Variants in CHAT observed in about 807,000 individuals in gnomAD.
CHAT encodes choline O-acetyltransferase, also known as acetyl CoA:choline O-acetyltransferase.
CHAT carries 61 observed loss-of-function variants against 76.9 expected under a neutral mutation model. That is an observed-to-expected ratio of 0.79 (90% CI 0.65 to 0.98). The LOEUF (loss-of-function observed/expected upper bound fraction) is 0.98, where lower values mean the gene tolerates loss of function less well. Ranked by LOEUF, CHAT falls within the 50% of genes least tolerant of loss-of-function variation. The pLI, the probability that CHAT is intolerant of heterozygous loss-of-function variation, is 0.00. For synonymous variants in CHAT, 407 were observed against 397.4 expected (o/e 1.02, Z -0.29); for missense variants, 946 against 986.9 (o/e 0.96, Z 0.56).
At chr10:49,610,863 G>A, upstream of CHAT, 1 of 1,612,996 alleles carries the variant, frequency 6.2e-7, no homozygotes, top group Non-Finnish European at 8.5e-7. Flanking sequence ...TCGTGTGCGT[G>A]GCGCTGTTAC....
In CHAT at chr10:49,666,443, G is replaced by C. The variant is rs1277746126; in HGVS notation, c.*1397G>C. 6.6e-6 allele frequency among the ~76,000 whole-genome samples: 1 copy of C among 152,220 alleles called. No homozygotes were observed. The highest frequency in any genetic ancestry group is 2.4e-5 in the African/African-American group (1 of 41,468). ...GAGGGAGGGAGTAAGAAAGCAACCA[G>C]AGAAATCTACAGCATAGAGCCCGTG... On this transcript the variant is annotated 3_prime_UTR_variant, in exon 15 of 15. Transcript: ENST00000337653.
chr10:49,655,386 G>A lies in CHAT; in HGVS notation c.1777G>A (p.Ala593Thr), dbSNP rs1840003719. 3 of 1,613,986 alleles carry A rather than the reference G, an allele frequency of 1.9e-6. No individual in the cohort carries two copies. The highest frequency in any genetic ancestry group is 2.5e-6 in the Non-Finnish European group (3 of 1,180,028). Residue 593 changes from alanine to threonine, a missense_variant and splice_region_variant, in exon 13 of 15, where the codon GCT becomes ACT. Physicochemically the swap from Ala to Thr is moderately conservative, Grantham distance 58. Coordinates refer to ENST00000337653, the MANE Select transcript of CHAT (RefSeq NM_020549.5). Reference protein sequence around the residue: ...AVTDHKAAVPASEKLLLLKDA... With the variant: ...AVTDHKAAVPTSEKLLLLKDA... ...CGCTGCCTCTGTGTTCTGTTGACAGGCTTCTGAGAAGCTTCTGCTCCTGAA... is the reference window on the plus strand; with the variant it reads ...CGCTGCCTCTGTGTTCTGTTGACAGACTTCTGAGAAGCTTCTGCTCCTGAA...
chr10:49,659,030 A>G (rs1251253275), intron 13 of CHAT, among the ~76,000 whole-genome samples: 1 of 152,240 alleles, frequency 6.6e-6, no homozygotes, highest in Non-Finnish European at 1.5e-5. Flanking sequence ...TAGATGGAAA[A>G]TACTCATAGC....
chr10:49,646,216 C>A (rs769994847), intron 7 of CHAT, among the ~76,000 whole-genome samples: 3 of 152,212 alleles, frequency 2.0e-5, no homozygotes, highest in Admixed American at 6.5e-5. Flanking sequence ...GCATGCATGA[C>A]CAATAGCCCA....
chr10:49,667,736 T>C lies in CHAT; in HGVS notation c.*2690T>C, dbSNP rs921992685. On this transcript the variant is annotated 3_prime_UTR_variant, in exon 15 of 15. Coordinates refer to ENST00000337653, the MANE Select transcript of CHAT (RefSeq NM_020549.5). ...ACAATACTGCTAAGTTGCTAAAATA[T>C]ATAAAGTTAATATTTGAGTTCTATT... is the stretch of plus-strand genomic sequence containing the variant. 3.9e-5 allele frequency among the ~76,000 whole-genome samples: 6 copies of C among 152,236 alleles called. No individual in the cohort carries two copies. Among genetic ancestry groups the C allele is most frequent in the South Asian group, 4.1e-4 (2 of 4,826 alleles).
At chr10:49,623,714 C>A (rs564777095) in intron 5 of CHAT, among the ~76,000 whole-genome samples, 13 of 152,174 alleles carry the variant, frequency 8.5e-5, no homozygotes, top group Non-Finnish European at 1.8e-4. Context: ...CATACCTTGT[C>A]GAGCCATGTC....
chr10:49,638,641 A>G (rs1839373141), intron 7 of CHAT, among the ~76,000 whole-genome samples: 3 of 152,222 alleles, frequency 2.0e-5, no homozygotes, highest in Non-Finnish European at 4.4e-5. Flanking sequence ...TTGTATATAC[A>G]TAACTTATCA....
chr10:49,624,760 G>A lies in CHAT; in HGVS notation c.753-713G>A, dbSNP rs117173631. On this transcript the variant is annotated intron_variant, in intron 5 of 14. Transcript: ENST00000337653. ...GGATGGATGGATGGATGGATGGAAA[G>A]ATGGATGGATGGTGGATAGATGGGT... is the stretch of plus-strand genomic sequence containing the variant. Among the ~76,000 whole-genome samples the A allele has an allele frequency of 9.0e-3, 1,375 of 152,146 alleles. 8 individuals are homozygous for A. The highest frequency in any genetic ancestry group is 0.015 in the Non-Finnish European group (1,041 of 67,964).
At chr10:49,656,655 G>A (rs186768643) in intron 13 of CHAT, among the ~76,000 whole-genome samples, 15 of 152,302 alleles carry the variant, frequency 9.8e-5, no homozygotes, top group Admixed American at 3.3e-4. Context: ...AGACCCATTC[G>A]AGGAAAAGCA....
Position 49,666,152 on chromosome 10 carries a change from T to A in CHAT, c.*1106T>A, listed in dbSNP as rs1840335354. Among the ~76,000 whole-genome samples the A allele has an allele frequency of 6.6e-6, 1 of 152,156 alleles. No homozygotes were observed. Among genetic ancestry groups the A allele is most frequent in the African/African-American group, 2.4e-5 (1 of 41,442 alleles). On this transcript the variant is annotated 3_prime_UTR_variant, in exon 15 of 15. Transcript: ENST00000337653. ...TGTGGTAGAGCCTAGAGCAGGGCTCTCTTCTGGCCTCAGGGACTTAGGGGA... is the reference window on the plus strand; with the variant it reads ...TGTGGTAGAGCCTAGAGCAGGGCTCACTTCTGGCCTCAGGGACTTAGGGGA...
rs989723636 is a variant in CHAT, at chr10:49,666,138, C to T, written c.*1092C>T. Reference sequence around the variant, plus strand: ...CTGACAAAAACCCATGTGGTAGAGCCTAGAGCAGGGCTCTCTTCTGGCCTC... The same window carrying T: ...CTGACAAAAACCCATGTGGTAGAGCTTAGAGCAGGGCTCTCTTCTGGCCTC... On this transcript the variant is annotated 3_prime_UTR_variant, in exon 15 of 15. Transcript: ENST00000337653. 6.6e-6 allele frequency among the ~76,000 whole-genome samples: 1 copy of T among 152,174 alleles called. No homozygotes were observed. Among genetic ancestry groups the T allele is most frequent in the Non-Finnish European group, 1.5e-5 (1 of 68,040 alleles).
At chr10:49,639,420 T>C (rs1839403023) in intron 7 of CHAT, among the ~76,000 whole-genome samples, 1 of 151,988 alleles carries the variant, frequency 6.6e-6, no homozygotes, top group Non-Finnish European at 1.5e-5. Flanking sequence ...TCTTTTTTTT[T>C]CAGCACTTAC....
intron 7 of CHAT, among the ~76,000 whole-genome samples, chr10:49,638,983 C>A (rs1839385434): frequency 6.6e-6 from 1 of 152,140 alleles, no homozygotes; most frequent in Non-Finnish European, 1.5e-5. Flanking sequence ...CGCCTGTAAT[C>A]CCAGCACTTT....
chr10:49,609,948 G>A (rs1318393897), upstream of CHAT, among the ~76,000 whole-genome samples: 120 of 152,244 alleles, frequency 7.9e-4, no homozygotes, highest in Non-Finnish European at 1.8e-4. Context: ...GGGGCCTCGA[G>A]GAACCGGCTG....
intron 5 of CHAT, among the ~76,000 whole-genome samples, chr10:49,623,209 T>C (rs1838793387): frequency 6.6e-6 from 1 of 152,134 alleles, no homozygotes; most frequent in Non-Finnish European, 1.5e-5. Context: ...CACCGTCCTG[T>C]CTGTTTTCAA....
intron 7 of CHAT, among the ~76,000 whole-genome samples, chr10:49,631,251 C>A (rs1172727704): frequency 6.6e-6 from 1 of 152,216 alleles, no homozygotes; most frequent in Non-Finnish European, 1.5e-5. Context: ...CAACAACAGA[C>A]ACCTGCTATC....
chr10:49,642,380 T>C (rs1238146046), intron 7 of CHAT, among the ~76,000 whole-genome samples: 1 of 152,236 alleles, frequency 6.6e-6, no homozygotes, highest in African/African-American at 2.4e-5. Flanking sequence ...CCCCGCTCTG[T>C]TGTCCTGCTC....
intron 7 of CHAT, among the ~76,000 whole-genome samples, chr10:49,640,170 T>TTTTA (rs1249366228): frequency 2.0e-5 from 3 of 151,946 alleles, no homozygotes; most frequent in South Asian, 2.1e-4. Context: ...TTTATTTTAA[T>TTTTA]TTTATTTATT....
At chr10:49,642,846 C>T (rs1421480370) in intron 7 of CHAT, among the ~76,000 whole-genome samples, 2 of 152,260 alleles carry the variant, frequency 1.3e-5, no homozygotes, top group East Asian at 1.9e-4. Flanking sequence ...CTTGGCTGGC[C>T]TTCAGGCCCA....
Sources: gnomAD v4.1 joint callset for allele counts (sites outside exome capture counted in the v4.1 genomes callset) on GRCh38, gnomAD v4.1.1 for gene constraint, MANE v1.5 for transcripts, NCBI Gene and HGNC (gene_info 2026-07-23, HGNC 2026-07-21) for gene names.